LAMC1: variants seen among roughly 807,000 people sequenced by gnomAD.
LAMC1 encodes the protein laminin subunit gamma-1.
A neutral mutation model predicts 173.6 loss-of-function variants in LAMC1; 38 were observed. The observed-to-expected ratio is 0.22, with a 90% CI of 0.17 to 0.29. LAMC1 has a LOEUF of 0.29. LAMC1 is among the 10% of genes least tolerant of loss of function. The pLI is 1.00. For missense variants in LAMC1, 1,824 were observed against 2,051.8 expected, an observed-to-expected ratio of 0.89 and a Z score of 2.14; for synonymous variants, 746 against 749.1, an observed-to-expected ratio of 1.00 and a Z score of 0.07.
At chr1:183,119,043 C>T (rs1482379701) in intron 11 of LAMC1, among the ~76,000 whole-genome samples, 1 of 151,820 alleles carries the variant, frequency 6.6e-6, no homozygotes. Context: ...ATTACCGGCA[C>T]GCCCCACCAC....
rs142405433 is a variant in LAMC1 at position 183,090,323 on chromosome 1, A to C, written c.419-13005A>C. ...TACATACATTTTAGCTATTTTGTAG[A>C]AGGTATAATTTAATCAGGAACACAA... On this transcript the variant is annotated intron_variant, in intron 1 of 27. Transcript: ENST00000258341. Among the ~76,000 whole-genome samples, 322 of 152,338 alleles carry C rather than the reference A, an allele frequency of 2.1e-3. 3 individuals carry two copies. The highest frequency in any genetic ancestry group is 7.5e-3 in the African/African-American group (312 of 41,578).
At chr1:183,077,195 C>T (rs897974407) in intron 1 of LAMC1, among the ~76,000 whole-genome samples, 5 of 152,038 alleles carry the variant, frequency 3.3e-5, no homozygotes, top group African/African-American at 9.7e-5. Context: ...AGCATGGATG[C>T]TTGGTGAAAG....
At chr1:183,047,679 A>G (rs1654300768) in intron 1 of LAMC1, among the ~76,000 whole-genome samples, 1 of 152,204 alleles carries the variant, frequency 6.6e-6, no homozygotes, top group Non-Finnish European at 1.5e-5. Flanking sequence ...TGAGTGTGGT[A>G]CTGTCCCCGT....
At chr1:183,079,286 A>T (rs1326656529) in intron 1 of LAMC1, among the ~76,000 whole-genome samples, 3 of 101,248 alleles carry the variant, frequency 3.0e-5, no homozygotes, top group East Asian at 6.8e-4. Flanking sequence ...ATGGAGTCTC[A>T]CTCTGTCACC....
chr1:183,107,740 G>C (rs997598801), intron 2 of LAMC1, among the ~76,000 whole-genome samples: 1 of 152,128 alleles, frequency 6.6e-6, no homozygotes, highest in Non-Finnish European at 1.5e-5. Context: ...TGAGGCAGGA[G>C]AATGGCGTGA....
rs1317077733 is a variant in LAMC1 at position 183,023,988 on chromosome 1, T to C, written c.272T>C (p.Leu91Pro). 1 of 1,613,084 alleles carries C rather than the reference T, an allele frequency of 6.2e-7. No individual in the cohort carries two copies. The highest frequency in any genetic ancestry group is 1.3e-5 in the African/African-American group (1 of 74,930). ...GVTGVTKSCH[L>P]CDAGQPHLQH... Reference sequence around the variant, plus strand: ...ACCGGGGTCACCAAGTCCTGTCACCTGTGCGACGCCGGGCAGCCCCACCTG... The same window carrying C: ...ACCGGGGTCACCAAGTCCTGTCACCCGTGCGACGCCGGGCAGCCCCACCTG... Residue 91 changes from leucine (L) to proline (P), a missense_variant, in exon 1 of 28, where the codon CTG becomes CCG. By Grantham distance (98) the Leu-to-Pro change is moderately conservative. Transcript: ENST00000258341.
At chr1:183,135,198 TAG>T (rs1656903336) in intron 24 of LAMC1, 42 bp downstream of exon 24, 6 of 1,191,934 alleles carry the variant, frequency 5.0e-6, no homozygotes, top group South Asian at 1.3e-5. Flanking sequence ...CTTCCGCCAC[TAG>T]AGTGATTTTT....
In LAMC1 at chr1:183,103,509, G is replaced by A. The variant is rs200551161; in HGVS notation, c.600G>A (p.Glu200=). The A allele has an allele frequency of 5.0e-6, 8 of 1,614,102 alleles. No homozygotes were observed. Among genetic ancestry groups the A allele is most frequent in the Admixed American group, 1.7e-5 (1 of 60,014 alleles). The change falls in exon 2 of 28, where the codon GAG becomes GAA. Residue 200 remains glutamate, a synonymous_variant. Transcript: ENST00000258341. ...NRGFIRTGGD[E]QQALCTDEFS... is the part of the protein sequence containing the mutation. ...GCTTCATCAGGACAGGAGGGGACGAGCAGCAGGCCTTGTGTACTGATGAAT... is the reference window on the plus strand; with the variant it reads ...GCTTCATCAGGACAGGAGGGGACGAACAGCAGGCCTTGTGTACTGATGAAT...
chr1:183,024,853 A>G (rs1281740512), intron 1 of LAMC1, among the ~76,000 whole-genome samples: 2 of 152,224 alleles, frequency 1.3e-5, no homozygotes, highest in African/African-American at 2.4e-5. Flanking sequence ...CTTTCATTCA[A>G]AGCAACTGTA....
chr1:183,065,646 C>T (rs1654857591), intron 1 of LAMC1, among the ~76,000 whole-genome samples: 1 of 152,116 alleles, frequency 6.6e-6, no homozygotes, highest in Non-Finnish European at 1.5e-5. Flanking sequence ...ATACCGTAGC[C>T]TAGCCAAGAT....
chr1:183,121,678 G>A (rs1463695112), intron 11 of LAMC1, 45 bp from the exon 12 acceptor site: 8 of 1,533,770 alleles, frequency 5.2e-6, no homozygotes, highest in Non-Finnish European at 6.2e-6. Flanking sequence ...ACAAGGTTTG[G>A]AAAACAAGCC....
At chr1:183,030,606 G>A (rs1016018196) in intron 1 of LAMC1, among the ~76,000 whole-genome samples, 2 of 152,088 alleles carry the variant, frequency 1.3e-5, no homozygotes, top group African/African-American at 4.8e-5. Flanking sequence ...AATATTAAAT[G>A]TAGTATGTGG....
chr1:183,130,151 G>A (rs1656741290), intron 18 of LAMC1, among the ~76,000 whole-genome samples, 193 bp from the exon 19 acceptor site: 1 of 152,282 alleles, frequency 6.6e-6, no homozygotes, highest in Middle Eastern at 3.4e-3. Flanking sequence ...CACGGTTGGA[G>A]GTGTGATGAG....
intron 1 of LAMC1, among the ~76,000 whole-genome samples, chr1:183,087,717 A>T (rs549400692): frequency 4.0e-4 from 61 of 152,230 alleles, no homozygotes; most frequent in African/African-American, 1.4e-3. Context: ...CCAATAGAGG[A>T]CTAGAGGCTT....
chr1:183,038,122 G>A (rs955462459), intron 1 of LAMC1, among the ~76,000 whole-genome samples: 3 of 149,294 alleles, frequency 2.0e-5, no homozygotes, highest in East Asian at 2.0e-4. Flanking sequence ...TGCAACCTCC[G>A]CCTCCCAGGT....
intron 1 of LAMC1, among the ~76,000 whole-genome samples, chr1:183,052,614 T>G (rs1269376370): frequency 3.3e-5 from 5 of 152,148 alleles, no homozygotes; most frequent in African/African-American, 1.2e-4. Context: ...GGATTACAGG[T>G]GTGAGCCACC....
At chr1:183,055,111 C>T (rs1654550447) in intron 1 of LAMC1, among the ~76,000 whole-genome samples, 1 of 151,854 alleles carries the variant, frequency 6.6e-6, no homozygotes, top group African/African-American at 2.4e-5. Context: ...GCCTCAGCCT[C>T]CCGAGTAGCT....
chr1:183,118,648 G>A (rs1398243181), intron 11 of LAMC1, among the ~76,000 whole-genome samples: 2 of 151,990 alleles, frequency 1.3e-5, no homozygotes, highest in East Asian at 3.9e-4. Context: ...GCTTAAACCC[G>A]GGAGGCAGTG....
intron 1 of LAMC1, among the ~76,000 whole-genome samples, chr1:183,089,000 G>A (rs1655501867): frequency 6.6e-6 from 1 of 152,228 alleles, no homozygotes; most frequent in African/African-American, 2.4e-5. Flanking sequence ...AAGCTGCACA[G>A]ATTCTTAAGC....
Sources: gnomAD v4.1 joint callset for allele counts (sites outside exome capture counted in the v4.1 genomes callset) on GRCh38, gnomAD v4.1.1 for gene constraint, MANE v1.5 for transcripts, NCBI Gene and HGNC (gene_info 2026-07-23, HGNC 2026-07-21) for gene names.